Variants in VPS13B observed in about 807,000 individuals in gnomAD.
VPS13B encodes vacuolar protein sorting 13 homolog B.
In VPS13B, 285 loss-of-function variants were observed where a neutral mutation model predicts 426.4. The ratio of observed to expected loss-of-function variants is 0.67; its 90% confidence interval spans 0.61 to 0.74. The LOEUF (loss-of-function observed/expected upper bound fraction) is 0.74. VPS13B is among the 30% of genes least tolerant of loss of function. The pLI is 0.00. For missense variants in VPS13B, 4,537 were observed against 4,782.6 expected (o/e 0.95, Z 1.51); for synonymous variants, 1,676 against 1,676.4 (o/e 1.00, Z 0.01).
In VPS13B at chr8:99,274,350, G is replaced by A. The variant is rs1303442103; in HGVS notation, c.2650+18G>A. On this transcript the variant is annotated intron_variant, in intron 18 of 61. Coordinates refer to ENST00000357162, the MANE Select transcript of VPS13B (RefSeq NM_152564.5). ...AGCCCCAGGTATGTGCAGCTGGACC[G>A]TGTAAAACTTTATTGCCTGTATAGG... The A allele has an allele frequency of 6.8e-6, 11 of 1,613,730 alleles. No homozygotes were observed. The highest frequency in any genetic ancestry group is 1.6e-4 in the Middle Eastern group (1 of 6,084).
rs1277343173 is a variant in VPS13B, at chr8:99,813,570, C to T, written c.8098-3970C>T. ...CATATGCTAAAGAAAAGTTTGCTTC[C>T]TAATTTAGGATCATAGTTCAGTTGA... On this transcript the variant is annotated intron_variant, in intron 44 of 61. Transcript: ENST00000357162. Among the ~76,000 whole-genome samples the T allele has an allele frequency of 2.0e-5, 3 of 152,142 alleles. No individual in the cohort carries two copies. The South Asian group carries it at 6.2e-4, about 31-fold the overall frequency.
At chr8:99,349,822 A>C (rs1279229746) in intron 19 of VPS13B, among the ~76,000 whole-genome samples, 1 of 152,164 alleles carries the variant, frequency 6.6e-6, no homozygotes, top group African/African-American at 2.4e-5. Flanking sequence ...ACATTGTGTT[A>C]ATTTATTTCA....
At chr8:99,263,618 G>A (rs1002830886) in intron 17 of VPS13B, among the ~76,000 whole-genome samples, 4 of 152,026 alleles carry the variant, frequency 2.6e-5, no homozygotes, top group Admixed American at 1.3e-4. Flanking sequence ...TTACATTTCC[G>A]TGAGTGTGCA....
At chr8:99,789,919 A>T (rs570726000) in intron 43 of VPS13B, among the ~76,000 whole-genome samples, 1 of 152,236 alleles carries the variant, frequency 6.6e-6, no homozygotes, top group East Asian at 1.9e-4. Context: ...GTAAGGTGAT[A>T]TTATTCTATT....
In VPS13B at chr8:99,515,695, A is replaced by G. The variant is rs150696561; in HGVS notation, c.4633+4183A>G. Among the ~76,000 whole-genome samples, 321 of 152,032 alleles carry G rather than the reference A, an allele frequency of 2.1e-3. 5 individuals carry two copies. The highest frequency in any genetic ancestry group is 4.0e-3 in the Non-Finnish European group (275 of 67,970). On this transcript the variant is annotated intron_variant, in intron 29 of 61. Coordinates refer to ENST00000357162, the MANE Select transcript of VPS13B (RefSeq NM_152564.5). Reference sequence around the variant, plus strand: ...GTGTTTTTTTTTGTGGCTTGGATGTATGTATCTGTAGAATAAATTACCAGC... The same window carrying G: ...GTGTTTTTTTTTGTGGCTTGGATGTGTGTATCTGTAGAATAAATTACCAGC...
chr8:99,285,825 A>G (rs1819405224), intron 19 of VPS13B, among the ~76,000 whole-genome samples: 1 of 152,158 alleles, frequency 6.6e-6, no homozygotes, highest in Admixed American at 6.5e-5. Flanking sequence ...CCCTCTAGAA[A>G]AAACCTCATT....
intron 33 of VPS13B, among the ~76,000 whole-genome samples, chr8:99,581,756 A>G (rs182128159): frequency 6.6e-6 from 1 of 152,228 alleles, no homozygotes; most frequent in East Asian, 1.9e-4. Flanking sequence ...CCAATTAAGG[A>G]TACTCAACCT....
At chr8:99,321,688 A>G (rs1809994649) in intron 19 of VPS13B, among the ~76,000 whole-genome samples, 1 of 152,194 alleles carries the variant, frequency 6.6e-6, no homozygotes, top group South Asian at 2.1e-4. Context: ...GAGAAGGTGA[A>G]TTTTAAATTT....
At chr8:99,270,129 A>ATGTTTTTTTTTTTTTTTT (rs1370378172) in intron 17 of VPS13B, among the ~76,000 whole-genome samples, 1 of 16,826 alleles carries the variant, frequency 5.9e-5, no homozygotes, top group African/African-American at 1.4e-4. Flanking sequence ...AGATATAAGA[A>ATGTTTTTTTTTTTTTTTT]TCTTTTTTTT....
At chr8:99,587,058 T>C (rs1298310581) in intron 33 of VPS13B, among the ~76,000 whole-genome samples, 3 of 152,010 alleles carry the variant, frequency 2.0e-5, no homozygotes, top group African/African-American at 4.8e-5. Flanking sequence ...CACCTATGAG[T>C]GAGAACATGC....
intron 24 of VPS13B, among the ~76,000 whole-genome samples, chr8:99,470,313 TA>T (rs1000456700): frequency 6.6e-6 from 1 of 152,146 alleles, no homozygotes; most frequent in Admixed American, 6.6e-5. Flanking sequence ...TACCCCCACA[TA>T]AATGCATGTT....
chr8:99,507,598 T>C (rs1821568230), intron 28 of VPS13B, among the ~76,000 whole-genome samples: 1 of 152,268 alleles, frequency 6.6e-6, no homozygotes, highest in Non-Finnish European at 1.5e-5. Context: ...TTTACTTTCA[T>C]TAACATTGCT....
chr8:99,754,138 G>T (rs1810530361), intron 39 of VPS13B, among the ~76,000 whole-genome samples: 1 of 131,346 alleles, frequency 7.6e-6, no homozygotes. Flanking sequence ...ATGTATAGAA[G>T]CTTTTCTTTT....
chr8:99,607,672 C>G (rs1050865288), intron 33 of VPS13B, among the ~76,000 whole-genome samples: 4 of 152,122 alleles, frequency 2.6e-5, no homozygotes, highest in Admixed American at 2.6e-4. Context: ...TTCAGAATTC[C>G]TTTACAGTCT....
intron 33 of VPS13B, among the ~76,000 whole-genome samples, chr8:99,628,338 C>CA (rs1828699865): frequency 6.6e-6 from 1 of 152,066 alleles, no homozygotes; most frequent in Non-Finnish European, 1.5e-5. Flanking sequence ...AAAGTACATT[C>CA]ATGTATTGAT....
chr8:99,391,698 G>C lies in VPS13B; in HGVS notation c.3076G>C (p.Val1026Leu). Reference sequence around the variant, plus strand: ...CAGCAGCCCTGTAAAAACAAAAACGGTAACAGGTATGTGTCAAGTACTGTA... The same window carrying C: ...CAGCAGCCCTGTAAAAACAAAAACGCTAACAGGTATGTGTCAAGTACTGTA... ...YASSPVKTKT[V>L]TESRPLSVPV... Residue 1026 changes from valine (V) to leucine (L), a missense_variant, in exon 21 of 62, where the codon GTA becomes CTA. Val to Leu is a conservative substitution (Grantham distance 32). Around this residue, in one of 2 missense-constraint regions of VPS13B, gnomAD observed 4,311 missense variants for 4,474.3 expected, o/e 0.96. Transcript: ENST00000357162. 1.2e-6 allele frequency: 2 copies of C among 1,613,888 alleles called. No homozygotes were observed. The highest frequency in any genetic ancestry group is 1.7e-6 in the Non-Finnish European group (2 of 1,179,920).
At chr8:99,680,282 G>A (rs1831106635) in intron 35 of VPS13B, among the ~76,000 whole-genome samples, 1 of 152,176 alleles carries the variant, frequency 6.6e-6, no homozygotes, top group African/African-American at 2.4e-5. Context: ...AGCTGGAACA[G>A]TTCTCAGGAA....
At chr8:99,021,532 A>C (rs1173093625) in intron 2 of VPS13B, among the ~76,000 whole-genome samples, 1 of 151,942 alleles carries the variant, frequency 6.6e-6, no homozygotes, top group Non-Finnish European at 1.5e-5. Flanking sequence ...GAGGCAGGAG[A>C]ATTGCTTGAA....
At chr8:99,140,368 C>CA (rs5893482) in intron 12 of VPS13B, among the ~76,000 whole-genome samples, 2,837 of 73,732 alleles carry the variant, frequency 0.038, 85 homozygotes, top group South Asian at 0.082. Flanking sequence ...AGCTCTGTCT[C>CA]AAAAAAAAAA....
Sources: allele counts gnomAD v4.1 joint callset (sites outside exome capture counted in the v4.1 genomes callset), GRCh38; gene constraint gnomAD v4.1.1; regional missense constraint gnomAD v4.1.1; transcripts MANE v1.5; gene names NCBI Gene and HGNC (gene_info 2026-07-23, HGNC 2026-07-21).